SPDL1: variants seen among roughly 807,000 people sequenced by gnomAD.
SPDL1 encodes the protein spindle apparatus coiled-coil protein 1, also known as protein Spindly.
In SPDL1, 85 loss-of-function variants were observed where a neutral mutation model predicts 79.5. The observed-to-expected ratio is 1.07, with a 90% CI of 0.90 to 1.28. The LOEUF is 1.28. Among genes scored for constraint, SPDL1 ranks in the 50% most tolerant of loss-of-function variants. The pLI is 0.00. For missense variants in SPDL1, 703 were observed against 697.8 expected, an observed-to-expected ratio of 1.01 and a Z score of -0.08; for synonymous variants, 269 against 240.3, an observed-to-expected ratio of 1.12 and a Z score of -1.10.
At position 169,603,074 on chromosome 5, in the gene SPDL1, G is replaced by A. The variant is rs73314558; in HGVS notation, c.1671-986G>A. 9.5e-3 allele frequency among the ~76,000 whole-genome samples: 1,419 copies of A among 149,586 alleles called. 28 individuals are homozygous for A. Among genetic ancestry groups the A allele is most frequent in the African/African-American group, 0.031 (1,272 of 40,646 alleles). ...ACGTTGGAAACTTTTTGTCTTGTTC[G>A]TTAAACAAAAAATAAAATACCACAA... On this transcript the variant is annotated intron_variant, in intron 11 of 11. Coordinates refer to ENST00000265295, the MANE Select transcript of SPDL1 (RefSeq NM_017785.5).
chr5:169,592,880 A>C (rs1049973555), intron 3 of SPDL1, among the ~76,000 whole-genome samples: 34 of 148,520 alleles, frequency 2.3e-4, no homozygotes, highest in Admixed American at 3.4e-4. Context: ...ATTTTCTCAA[A>C]TCACTTATGC....
intron 11 of SPDL1, chr5:169,602,095 T>C (rs1331352668): frequency 5.4e-6 from 1 of 185,896 alleles, no homozygotes; most frequent in Non-Finnish European, 1.1e-5. Flanking sequence ...TCAATACTTA[T>C]TTTGACATTT....
In SPDL1 at chr5:169,604,067, G is replaced by C; in HGVS notation, c.1678G>C (p.Ala560Pro). The C allele has an allele frequency of 6.2e-7, 1 of 1,609,390 alleles. No individual in the cohort carries two copies. ...GNTPNSPRLA[A>P]ESKLQTEVKE... ...ATGCTTTAATGCCTGTAGGTTAGCTGCTGAATCAAAGCTTCAAACAGAAGT... is the reference window on the plus strand; with the variant it reads ...ATGCTTTAATGCCTGTAGGTTAGCTCCTGAATCAAAGCTTCAAACAGAAGT... Residue 560 changes from alanine (A) to proline (P), a missense_variant, in exon 12 of 12, where the codon GCT becomes CCT. Transcript: ENST00000265295.
At chr5:169,587,900 G>T (rs1165278664) in intron 1 of SPDL1, among the ~76,000 whole-genome samples, 1 of 152,092 alleles carries the variant, frequency 6.6e-6, no homozygotes, top group Non-Finnish European at 1.5e-5. Context: ...TTGATTGATT[G>T]ATTGAGATGG....
chr5:169,590,537 T>A (rs1755219566), intron 2 of SPDL1, among the ~76,000 whole-genome samples: 1 of 152,280 alleles, frequency 6.6e-6, no homozygotes, highest in Admixed American at 6.5e-5. Context: ...TTTTAATTAC[T>A]CCTTTTGTCT....
At chr5:169,585,250 T>C (rs1232892297) in intron 1 of SPDL1, among the ~76,000 whole-genome samples, 1 of 151,454 alleles carries the variant, frequency 6.6e-6, no homozygotes, top group Non-Finnish European at 1.5e-5. Flanking sequence ...TCAGGTAGCA[T>C]ACATCTGTCT....
chr5:169,590,383 G>GT (rs1298992714), intron 2 of SPDL1, among the ~76,000 whole-genome samples: 1 of 152,186 alleles, frequency 6.6e-6, no homozygotes, highest in African/African-American at 2.4e-5. Context: ...AAATTTCAGT[G>GT]TTTAACAGTT....
intron 10 of SPDL1, among the ~76,000 whole-genome samples, chr5:169,600,270 C>G (rs1755814075): frequency 6.6e-6 from 1 of 152,196 alleles, no homozygotes; most frequent in Non-Finnish European, 1.5e-5. Flanking sequence ...AAGGTTTTTA[C>G]ACAATTTTAA....
intron 2 of SPDL1, chr5:169,590,780 C>G (rs920365843): frequency 2.1e-5 from 11 of 513,052 alleles, no homozygotes; most frequent in Admixed American, 9.0e-5. Context: ...GACGTGTTGA[C>G]ATACCATGGA....
intron 10 of SPDL1, 71 bp from the exon 11 acceptor site, chr5:169,601,209 C>T (rs1755857076): frequency 3.6e-6 from 5 of 1,391,892 alleles, no homozygotes. Context: ...ATAACTAGTT[C>T]TGGCTTCTTG....
chr5:169,604,335 A>G lies in SPDL1; in HGVS notation c.*128A>G. 1 of 956,362 alleles carries G rather than the reference A, an allele frequency of 1.0e-6. No individual in the cohort carries two copies. Among genetic ancestry groups the G allele is most frequent in the Non-Finnish European group, 1.5e-6 (1 of 687,260 alleles). 59.2% of individuals were successfully genotyped at this position (956,362 alleles called of 1,614,324 possible). A position where few individuals can be genotyped will look rare whatever the true frequency, so the allele number is the denominator to read the frequency against. On this transcript the variant is annotated 3_prime_UTR_variant, in exon 12 of 12. Transcript: ENST00000265295. The stretch of plus-strand genomic sequence containing the variant: ...CATTGTGCCAGGACCTGGCATTTTC[A>G]TGTGCCTTTGACCAAGTGTTCAGAA...
chr5:169,602,761 C>A lies in SPDL1; in HGVS notation c.1670+1136C>A, dbSNP rs376567588. ...TTATAGAATGTTATAACCTCTGAGTCACATAAAATAAAAGCTTACCATTCT... is the reference window on the plus strand; with the variant it reads ...TTATAGAATGTTATAACCTCTGAGTAACATAAAATAAAAGCTTACCATTCT... On this transcript the variant is annotated intron_variant, in intron 11 of 11. Transcript: ENST00000265295. 1.3e-4 allele frequency among the ~76,000 whole-genome samples: 20 copies of A among 152,282 alleles called. No individual in the cohort carries two copies. The East Asian group carries it at 3.5e-3, about 26-fold the overall frequency.
chr5:169,590,634 T>A, intron 2 of SPDL1: 1 of 428,644 alleles, frequency 2.3e-6, no homozygotes, highest in East Asian at 7.1e-5. Context: ...GTATTTCTTT[T>A]TTTTCAACTA....
chr5:169,603,517 T>C (rs1463516888), intron 11 of SPDL1, among the ~76,000 whole-genome samples: 1 of 152,174 alleles, frequency 6.6e-6, no homozygotes, highest in Non-Finnish European at 1.5e-5. Flanking sequence ...CATATTTTCT[T>C]TAATTTAGGG....
Position 169,601,387 on chromosome 5 carries a change from T to G in SPDL1, c.1432T>G (p.Tyr478Asp). The change falls in exon 11 of 12, where the codon TAT becomes GAT. Residue 478 changes from tyrosine (Y) to aspartate (D), a missense_variant. Transcript: ENST00000265295. ...VNNSALGGEV[Y>D]RLPPQKEETQ... is the part of the protein sequence containing the mutation. The stretch of plus-strand genomic sequence containing the variant: ...CAACAGTGCTCTCGGGGGAGAAGTT[T>G]ATCGATTACCGCCTCAGAAAGAGGA... 3.7e-6 allele frequency: 6 copies of G among 1,614,140 alleles called. No homozygotes were observed. Among genetic ancestry groups the G allele is most frequent in the Non-Finnish European group, 5.1e-6 (6 of 1,180,030 alleles).
chr5:169,603,996 G>A (rs1756063530), intron 11 of SPDL1, 64 bp from the exon 12 acceptor site: 4 of 1,526,600 alleles, frequency 2.6e-6, no homozygotes, highest in South Asian at 1.3e-5. Flanking sequence ...TTATACTGGG[G>A]GTTTGTTTCT....
rs1195998935 is a variant in SPDL1 at position 169,594,168 on chromosome 5, T to C, written c.555T>C (p.Asn185=). ...AGACCACCCTCAAAGAAGAAGTGAA[T>C]GAACTACAATACAGACAAGAACAGC... The part of the protein sequence containing the change: ...SMKTTLKEEV[N]ELQYRQEQLE... The change falls in exon 5 of 12, where the codon AAT becomes AAC. Residue 185 remains asparagine (N), a synonymous_variant. Transcript: ENST00000265295. The C allele has an allele frequency of 1.2e-6, 2 of 1,607,680 alleles. No homozygotes were observed. The highest frequency in any genetic ancestry group is 2.7e-5 in the African/African-American group (2 of 74,536).
intron 3 of SPDL1, among the ~76,000 whole-genome samples, chr5:169,592,747 C>CA (rs1258625098): frequency 7.9e-6 from 1 of 126,358 alleles, no homozygotes; most frequent in Non-Finnish European, 1.7e-5. Flanking sequence ...ATCACCTAAA[C>CA]AAAAAAGAGT....
chr5:169,586,986 C>A (rs1488729024), intron 1 of SPDL1, among the ~76,000 whole-genome samples: 4 of 152,148 alleles, frequency 2.6e-5, no homozygotes, highest in Admixed American at 2.6e-4. Context: ...AATTTCACTC[C>A]CTGGGCTTCT....
Sources: allele counts gnomAD v4.1 joint callset (sites outside exome capture counted in the v4.1 genomes callset), GRCh38; gene constraint gnomAD v4.1.1; transcripts MANE v1.5; gene names NCBI Gene and HGNC (gene_info 2026-07-23, HGNC 2026-07-21).